The following PFN2 variants were observed in gnomAD, a reference collection of about 807,000 sequenced individuals.
PFN2 encodes profilin 2, also known as profilin-2.
Under a neutral mutation model 15.3 loss-of-function variants are expected in PFN2, and 8 were observed. The observed-to-expected ratio is 0.52, with a 90% CI of 0.31 to 0.95. PFN2 has a LOEUF of 0.95. PFN2 is among the 40% of genes least tolerant of loss of function. The pLI, the probability that PFN2 is intolerant of heterozygous loss-of-function variation, is 0.05. For synonymous variants in PFN2, 79 were observed against 67.9 expected, an observed-to-expected ratio of 1.16 and a Z score of -0.81; for missense variants, 111 against 182.3, an observed-to-expected ratio of 0.61 and a Z score of 2.25.
At chr3:149,967,703 T>A (rs1265758241) in intron 2 of PFN2, among the ~76,000 whole-genome samples, 2 of 152,236 alleles carry the variant, frequency 1.3e-5, no homozygotes, top group East Asian at 3.8e-4. Context: ...TAGGGAGACT[T>A]CTTTAGTGCA....
chr3:149,967,174 C>T (rs770140254), intron 2 of PFN2, among the ~76,000 whole-genome samples: 1 of 152,000 alleles, frequency 6.6e-6, no homozygotes, highest in South Asian at 2.1e-4. Context: ...TTTTTAATTG[C>T]GTCTAAAAAA....
chr3:149,970,548 G>A lies in PFN2; in HGVS notation c.132+177C>T, dbSNP rs955269524. ...GCCTGTCAGCGCAGCCCCGGGTGAGGGGGCGTCCCCGGGCCTCGGCCTCCC... is the reference window on the plus strand; with the variant it reads ...GCCTGTCAGCGCAGCCCCGGGTGAGAGGGCGTCCCCGGGCCTCGGCCTCCC... On this transcript the variant is annotated intron_variant, in intron 1 of 2. Transcript: ENST00000239940. 3 of 494,152 alleles carry A rather than the reference G, an allele frequency of 6.1e-6. No homozygotes were observed. The African/African-American group carries it at 6.1e-5, about 10-fold the overall frequency. 30.6% of individuals were successfully genotyped at this position (494,152 alleles called of 1,614,324 possible). A position where few individuals can be genotyped will look rare whatever the true frequency, so the allele number is the denominator to read the frequency against.
In PFN2 at chr3:149,965,867, A is replaced by G; in HGVS notation, c.*622T>C. 5.9e-6 allele frequency: 7 copies of G among 1,195,490 alleles called. No homozygotes were observed. The highest frequency in any genetic ancestry group is 3.4e-4 in the Middle Eastern group (1 of 2,910). 74.1% of individuals were successfully genotyped at this position (1,195,490 alleles called of 1,614,324 possible). A position where few individuals can be genotyped will look rare whatever the true frequency, so the allele number is the denominator to read the frequency against. On this transcript the variant is annotated 3_prime_UTR_variant, in exon 3 of 3. Transcript: ENST00000239940. Reference sequence around the variant, plus strand: ...TACAACCGGCACCTTGCTTAATATTAACTTATTTTAGTAATCAATATCCCA... The same window carrying G: ...TACAACCGGCACCTTGCTTAATATTGACTTATTTTAGTAATCAATATCCCA...
In PFN2 at chr3:149,965,314, A is replaced by G. The variant is rs1722653782; in HGVS notation, c.*1175T>C. On this transcript the variant is annotated 3_prime_UTR_variant, in exon 3 of 3. Transcript: ENST00000239940. ...TAAAAATTGGTCCTATGAAGAACAA[A>G]CTGGACACACTCCAGATGGTTATGT... 6.5e-7 allele frequency: 1 copy of G among 1,533,912 alleles called. No individual in the cohort carries two copies. The highest frequency in any genetic ancestry group is 8.7e-7 in the Non-Finnish European group (1 of 1,146,010).
intron 1 of PFN2, among the ~76,000 whole-genome samples, chr3:149,969,544 T>TA (rs778542863): frequency 2.0e-5 from 3 of 152,194 alleles, no homozygotes; most frequent in Non-Finnish European, 2.9e-5. Context: ...TACGAGACCT[T>TA]AAAGTACTAC....
In PFN2 at chr3:149,966,421, G is replaced by A; in HGVS notation, c.*68C>T. On this transcript the variant is annotated 3_prime_UTR_variant, in exon 3 of 3. Transcript: ENST00000239940. Reference sequence around the variant, plus strand: ...TTGCTAATAAAATTTCCAGAATTAAGACTTAAGCTTATAGCTAGGAAAGTT... The same window carrying A: ...TTGCTAATAAAATTTCCAGAATTAAAACTTAAGCTTATAGCTAGGAAAGTT... The A allele has an allele frequency of 1.2e-6, 2 of 1,601,626 alleles. No homozygotes were observed. The highest frequency in any genetic ancestry group is 1.7e-5 in the Admixed American group (1 of 57,424).
chr3:149,966,158 A>G lies in PFN2; in HGVS notation c.*331T>C. ...GAAGACAGTTGCTAGGTAGATGGGGAGAGGCTGCTTACACATCAGACCTCC... is the reference window on the plus strand; with the variant it reads ...GAAGACAGTTGCTAGGTAGATGGGGGGAGGCTGCTTACACATCAGACCTCC... On this transcript the variant is annotated 3_prime_UTR_variant, in exon 3 of 3. Coordinates refer to ENST00000239940, the MANE Select transcript of PFN2 (RefSeq NM_053024.4). 4 of 1,612,010 alleles carry G rather than the reference A, an allele frequency of 2.5e-6. No individual in the cohort carries two copies. In the Admixed American group the frequency reaches 6.7e-5, roughly 27 times the overall value.
rs1722704824 is a variant in PFN2 at position 149,966,726 on chromosome 3, T to C, written c.326-140A>G. 5 of 680,874 alleles carry C rather than the reference T, an allele frequency of 7.3e-6. No individual in the cohort carries two copies. The East Asian group carries it at 1.3e-4, about 17-fold the overall frequency. 42.2% of individuals were successfully genotyped at this position (680,874 alleles called of 1,614,324 possible). On this transcript the variant is annotated intron_variant, in intron 2 of 2. Transcript: ENST00000239940. ...CTGCCAAGCACTGAAGTCAAGTAGG[T>C]TTCCAAAAAGAACTTTCAAACTAGT...
Position 149,965,531 on chromosome 3 carries a change from T to C in PFN2, c.*958A>G. 1 of 1,391,528 alleles carries C rather than the reference T, an allele frequency of 7.2e-7. No homozygotes were observed. The highest frequency in any genetic ancestry group is 9.3e-7 in the Non-Finnish European group (1 of 1,078,916). The allele number at this position is 1,391,528 out of a possible 1,614,324, so 86.2% of individuals were successfully genotyped here. On this transcript the variant is annotated 3_prime_UTR_variant, in exon 3 of 3. Transcript: ENST00000239940. ...TCTTGTTTTGCCATTGCACTCTTCA[T>C]ATGTCCTGTAGACACTATGAATAAA...
At chr3:149,970,534 C>T (rs956631716) in intron 1 of PFN2, 191 bp downstream of exon 1, 11 of 432,584 alleles carry the variant, frequency 2.5e-5, no homozygotes, top group Admixed American at 4.8e-5. Context: ...CCTGTCAGCG[C>T]AGCCCCGGGT....
chr3:149,969,557 T>A (rs1722788516), intron 1 of PFN2, among the ~76,000 whole-genome samples: 1 of 152,210 alleles, frequency 6.6e-6, no homozygotes, highest in Non-Finnish European at 1.5e-5. Context: ...AGTACTACTA[T>A]CAAGGACTGA....
chr3:149,970,708 C>T lies in PFN2; in HGVS notation c.132+17G>A. The T allele has an allele frequency of 1.3e-6, 2 of 1,494,788 alleles. No homozygotes were observed. Among genetic ancestry groups the T allele is most frequent in the South Asian group, 1.2e-5 (1 of 80,018 alleles). 92.6% of individuals were successfully genotyped at this position (1,494,788 alleles called of 1,614,324 possible). On this transcript the variant is annotated intron_variant, in intron 1 of 2. Coordinates refer to ENST00000239940, the MANE Select transcript of PFN2 (RefSeq NM_053024.4). ...TCCGGTGCAGGGACCAGGGTACCGG[C>T]CGCCACTGGTCCTCACCGTAATGCT... is the stretch of plus-strand genomic sequence containing the variant.
At position 149,965,273 on chromosome 3, in the gene PFN2, AAACTC is replaced by A. The variant is rs1399376604; in HGVS notation, c.*1211_*1215del. ...TCCACAATAATGCAACTTCATATAA[AAACTC>A]AAGCTGCAAATAAAAATTGGTCCTA... is the stretch of plus-strand genomic sequence containing the variant. On this transcript the variant is annotated 3_prime_UTR_variant, in exon 3 of 3. Transcript: ENST00000239940. The A allele has an allele frequency of 2.7e-5, 42 of 1,535,452 alleles. No homozygotes were observed. Among genetic ancestry groups the A allele is most frequent in the Non-Finnish European group, 3.6e-5 (41 of 1,146,504 alleles).
At position 149,965,950 on chromosome 3, in the gene PFN2, G is replaced by T; in HGVS notation, c.*539C>A. On this transcript the variant is annotated 3_prime_UTR_variant, in exon 3 of 3. Transcript: ENST00000239940. ...GCATGCCCCCTCCCCCCAATTTCAAGGTATCATGCAAATCATTATTGTGCT... is the reference window on the plus strand; with the variant it reads ...GCATGCCCCCTCCCCCCAATTTCAATGTATCATGCAAATCATTATTGTGCT... 1 of 1,333,770 alleles carries T rather than the reference G, an allele frequency of 7.5e-7. No individual in the cohort carries two copies. The highest frequency in any genetic ancestry group is 9.6e-7 in the Non-Finnish European group (1 of 1,046,232). The allele number at this position is 1,333,770 out of a possible 1,614,324, so 82.6% of individuals were successfully genotyped here.
chr3:149,965,348 C>A lies in PFN2; in HGVS notation c.*1141G>T. 6.6e-7 allele frequency: 1 copy of A among 1,510,632 alleles called. No individual in the cohort carries two copies. The highest frequency in any genetic ancestry group is 8.8e-7 in the Non-Finnish European group (1 of 1,138,954). The allele number at this position is 1,510,632 out of a possible 1,614,324, so 93.6% of individuals were successfully genotyped here. On this transcript the variant is annotated 3_prime_UTR_variant, in exon 3 of 3. Coordinates refer to ENST00000239940, the MANE Select transcript of PFN2 (RefSeq NM_053024.4). ...ACTCCAGATGGTTATGTTGGGATAC[C>A]TAATGTCCATAATGGCAGCCTTTTA... is the stretch of plus-strand genomic sequence containing the variant.
Position 149,965,046 on chromosome 3 carries a change from C to G in PFN2, c.*1443G>C. ...GCAGGGAAAGAAATGGACAAATCAG[C>G]AACAAGATTTGTTTTTAAATCTGTA... On this transcript the variant is annotated 3_prime_UTR_variant, in exon 3 of 3. Coordinates refer to ENST00000239940, the MANE Select transcript of PFN2 (RefSeq NM_053024.4). 1 of 533,696 alleles carries G rather than the reference C, an allele frequency of 1.9e-6. No homozygotes were observed. Among genetic ancestry groups the G allele is most frequent in the South Asian group, 3.1e-5 (1 of 32,114 alleles). The allele number at this position is 533,696 out of a possible 1,614,324, so 33.1% of individuals were successfully genotyped here.
At chr3:149,969,963 T>C (rs1722802785) in intron 1 of PFN2, among the ~76,000 whole-genome samples, 1 of 151,916 alleles carries the variant, frequency 6.6e-6, no homozygotes, top group Non-Finnish European at 1.5e-5. Context: ...TTTTTTGAGC[T>C]ATGTTGCATA....
intron 1 of PFN2, among the ~76,000 whole-genome samples, chr3:149,969,845 A>G (rs1722797918): frequency 6.6e-6 from 1 of 152,196 alleles, no homozygotes. Context: ...TGTGAAGCAT[A>G]AAACTGCATT....
chr3:149,968,328 C>T (rs771336107), intron 2 of PFN2, 30 bp downstream of exon 2: 2 of 1,587,146 alleles, frequency 1.3e-6, no homozygotes, highest in Non-Finnish European at 1.7e-6. Flanking sequence ...ATGTGGCATG[C>T]AACTTTAACC....
Sources: gnomAD v4.1 joint callset for allele counts (sites outside exome capture counted in the v4.1 genomes callset) on GRCh38, gnomAD v4.1.1 for gene constraint, MANE v1.5 for transcripts, NCBI Gene and HGNC (gene_info 2026-07-23, HGNC 2026-07-21) for gene names.